Variants in VPS13B observed in about 807,000 individuals in gnomAD.
VPS13B encodes vacuolar protein sorting 13 homolog B.
Under a neutral mutation model 426.4 loss-of-function variants are expected in VPS13B, and 285 were observed. That is an observed-to-expected ratio of 0.67 (90% CI 0.61 to 0.74). The LOEUF (loss-of-function observed/expected upper bound fraction) is 0.74, where lower values mean the gene tolerates loss of function less well. Among genes scored for constraint, VPS13B ranks in the 30% least tolerant of loss-of-function variants. VPS13B has a pLI of 0.00. For synonymous variants in VPS13B, 1,676 were observed against 1,676.4 expected (o/e 1.00, Z 0.01); for missense variants, 4,537 against 4,782.6 (o/e 0.95, Z 1.51).
At chr8:99,523,415 C>G (rs1213321493) in intron 30 of VPS13B, among the ~76,000 whole-genome samples, 1 of 152,202 alleles carries the variant, frequency 6.6e-6, no homozygotes, top group Non-Finnish European at 1.5e-5. Flanking sequence ...GGGTGGGACC[C>G]AGTGCTGTGC....
At chr8:99,091,384 A>C (rs1472155199) in intron 3 of VPS13B, among the ~76,000 whole-genome samples, 1 of 152,178 alleles carries the variant, frequency 6.6e-6, no homozygotes, top group African/African-American at 2.4e-5. Flanking sequence ...AAAAGAATAC[A>C]AGGGAGGGTC....
Position 99,454,192 on chromosome 8 carries a change from T to C in VPS13B, c.3445+11557T>C, listed in dbSNP as rs1818338354. ...CATGTCTTTCCATGGCTTGATAGCT[T>C]TTATTTTTTTGAGACAGGGTCTCAT... On this transcript the variant is annotated intron_variant, in intron 23 of 61. Transcript: ENST00000357162. Among the ~76,000 whole-genome samples, 6 of 152,276 alleles carry C rather than the reference T, an allele frequency of 3.9e-5. No homozygotes were observed. The South Asian group carries it at 1.2e-3, about 32-fold the overall frequency.
chr8:99,726,097 C>T (rs769004802), intron 39 of VPS13B, among the ~76,000 whole-genome samples: 1 of 152,084 alleles, frequency 6.6e-6, no homozygotes, highest in Non-Finnish European at 1.5e-5. Context: ...CCCCATATCA[C>T]TTTATGGAAT....
chr8:99,417,624 T>TTAATGGTCTCAG (rs769209709), intron 21 of VPS13B, among the ~76,000 whole-genome samples: 103 of 152,210 alleles, frequency 6.8e-4, no homozygotes, highest in Non-Finnish European at 1.3e-3. Context: ...GTGGATTAAT[T>TTAATGGTCTCAG]TGGTAATCTA....
At chr8:99,280,425 G>C (rs114463589) in intron 19 of VPS13B, among the ~76,000 whole-genome samples, 1 of 152,254 alleles carries the variant, frequency 6.6e-6, no homozygotes, top group African/African-American at 2.4e-5. Context: ...TTGACAGTAA[G>C]TTCCATGAGG....
At chr8:99,338,353 G>T (rs1262888207) in intron 19 of VPS13B, among the ~76,000 whole-genome samples, 1 of 151,614 alleles carries the variant, frequency 6.6e-6, no homozygotes, top group Non-Finnish European at 1.5e-5. Context: ...TCATTTTTTT[G>T]GGTCTTTTTC....
chr8:99,445,686 C>A lies in VPS13B; in HGVS notation c.3445+3051C>A, dbSNP rs565587825. 1.4e-4 allele frequency among the ~76,000 whole-genome samples: 21 copies of A among 151,740 alleles called. No homozygotes were observed. In the East Asian group the frequency reaches 4.1e-3, roughly 29 times the overall value. ...TTTTAGTTTTAGAAATATTAAGATGCATATTTAATTTATTTAATGATGTAG... is the reference window on the plus strand; with the variant it reads ...TTTTAGTTTTAGAAATATTAAGATGAATATTTAATTTATTTAATGATGTAG... On this transcript the variant is annotated intron_variant, in intron 23 of 61. Transcript: ENST00000357162.
At chr8:99,285,451 G>C (rs1307371054) in intron 19 of VPS13B, among the ~76,000 whole-genome samples, 3 of 152,150 alleles carry the variant, frequency 2.0e-5, no homozygotes, top group African/African-American at 7.2e-5. Context: ...TCATTAGTAA[G>C]TAGTAAATTA....
intron 43 of VPS13B, among the ~76,000 whole-genome samples, chr8:99,784,952 G>A (rs1812191129): frequency 6.6e-6 from 1 of 152,050 alleles, no homozygotes; most frequent in Admixed American, 6.6e-5. Context: ...GCAGGCACAT[G>A]CTAGGCACTG....
At chr8:99,740,046 C>A (rs933517048) in intron 39 of VPS13B, among the ~76,000 whole-genome samples, 17 of 152,120 alleles carry the variant, frequency 1.1e-4, no homozygotes, top group African/African-American at 4.1e-4. Flanking sequence ...GAAGTACGAA[C>A]CCATGGCACA....
intron 3 of VPS13B, among the ~76,000 whole-genome samples, chr8:99,053,334 C>G (rs1843664333): frequency 6.6e-6 from 1 of 152,042 alleles, no homozygotes; most frequent in African/African-American, 2.4e-5. Flanking sequence ...TGTTCCCCTT[C>G]CTGTGTCCAT....
At chr8:99,700,274 A>G (rs1427899377) in intron 36 of VPS13B, among the ~76,000 whole-genome samples, 3 of 152,200 alleles carry the variant, frequency 2.0e-5, no homozygotes, top group South Asian at 2.1e-4. Flanking sequence ...TCAAAGTGTG[A>G]TCTCTGGACT....
At chr8:99,737,724 C>T (rs1833903154) in intron 39 of VPS13B, among the ~76,000 whole-genome samples, 2 of 152,200 alleles carry the variant, frequency 1.3e-5, no homozygotes, top group South Asian at 2.1e-4. Context: ...TTACAGATGG[C>T]AACCATTTTT....
chr8:99,123,968 C>T (rs1848068930), intron 8 of VPS13B, among the ~76,000 whole-genome samples: 1 of 151,912 alleles, frequency 6.6e-6, no homozygotes, highest in African/African-American at 2.4e-5. Flanking sequence ...AGAAGTTTGC[C>T]TAGGTGCATA....
chr8:99,272,156 A>C (rs1818640096), intron 17 of VPS13B, among the ~76,000 whole-genome samples: 1 of 152,210 alleles, frequency 6.6e-6, no homozygotes, highest in Admixed American at 6.5e-5. Flanking sequence ...GATCTTCTTA[A>C]TTATTCATAC....
chr8:99,188,931 G>T (rs1455646487), intron 16 of VPS13B, among the ~76,000 whole-genome samples: 1 of 152,104 alleles, frequency 6.6e-6, no homozygotes, highest in Admixed American at 6.5e-5. Context: ...TCTTGTTCTT[G>T]TTGAATTATG....
rs567339103 is a variant in VPS13B at position 99,129,153 on chromosome 8, G to A, written c.1207-5479G>A. On this transcript the variant is annotated intron_variant, in intron 8 of 61. Coordinates refer to ENST00000357162, the MANE Select transcript of VPS13B (RefSeq NM_152564.5). Reference sequence around the variant, plus strand: ...AAAAATTATAATGCATATATTAGCTGTACTATTTTAACATCATTATTCTCA... The same window carrying A: ...AAAAATTATAATGCATATATTAGCTATACTATTTTAACATCATTATTCTCA... 7.2e-5 allele frequency among the ~76,000 whole-genome samples: 11 copies of A among 151,954 alleles called. No individual in the cohort carries two copies. In the South Asian group the frequency reaches 2.3e-3, roughly 32 times the overall value.
chr8:99,304,224 GTTATTA>G (rs967827824), intron 19 of VPS13B, among the ~76,000 whole-genome samples: 1 of 152,138 alleles, frequency 6.6e-6, no homozygotes, highest in Non-Finnish European at 1.5e-5. Flanking sequence ...CAAAATAGTA[GTTATTA>G]TTATAATGGC....
chr8:99,202,880 A>G (rs548426939), intron 17 of VPS13B, among the ~76,000 whole-genome samples: 12 of 151,764 alleles, frequency 7.9e-5, no homozygotes, highest in Non-Finnish European at 1.8e-4. Flanking sequence ...AAAAAATACA[A>G]AAAATTAACT....
Sources: allele counts gnomAD v4.1 joint callset (sites outside exome capture counted in the v4.1 genomes callset), GRCh38; gene constraint gnomAD v4.1.1; transcripts MANE v1.5; gene names NCBI Gene and HGNC (gene_info 2026-07-23, HGNC 2026-07-21).